SPATA21: variants seen among roughly 807,000 people sequenced by gnomAD.
The protein encoded by SPATA21 is spermatogenesis associated 21, also known as spermatogenesis-associated protein 21.
SPATA21 carries 47 observed loss-of-function variants against 54.8 expected under a neutral mutation model. The observed-to-expected ratio is 0.86, with a 90% CI of 0.68 to 1.09. The LOEUF (loss-of-function observed/expected upper bound fraction) is 1.09, where lower values mean the gene tolerates loss of function less well. Among genes scored for constraint, SPATA21 ranks in the 50% least tolerant of loss-of-function variants. The pLI is 0.00. For synonymous variants in SPATA21, 245 were observed against 235.3 expected (o/e 1.04, Z -0.38); for missense variants, 599 against 596.4 (o/e 1.00, Z -0.05).
rs536501946 is a variant in SPATA21, at chr1:16,409,148, C to G, written c.643G>C (p.Glu215Gln). Residue 215 changes from glutamate (E) to glutamine (Q), a missense_variant, in exon 7 of 13, where the codon GAG (glutamate) becomes CAG (glutamine). Coordinates refer to ENST00000335496, the MANE Select transcript of SPATA21 (RefSeq NM_198546.1). The surrounding 1 kb of genome is among the most constrained non-coding windows in gnomAD (Gnocchi z 4.1). ...QKLYQNREKS[E>Q]EQLTLKQEEA... ...TCTTGCTTCAGGGTCAGTTGCTCCTCGGACTTCTCCCGGTTTTGATAAAGC... is the reference window on the plus strand; with the variant it reads ...TCTTGCTTCAGGGTCAGTTGCTCCTGGGACTTCTCCCGGTTTTGATAAAGC... 1.5e-5 allele frequency: 25 copies of G among 1,614,108 alleles called. No homozygotes were observed. The South Asian group carries it at 2.6e-4, about 17-fold the overall frequency.
chr1:16,413,795 TAG>T (rs1192042455), intron 5 of SPATA21, among the ~76,000 whole-genome samples: 5 of 151,950 alleles, frequency 3.3e-5, no homozygotes, highest in Non-Finnish European at 7.4e-5. Context: ...GTATTTTTAG[TAG>T]AGAGAGGGTT....
In SPATA21 at chr1:16,412,985, T is replaced by C. The variant is rs1026747864; in HGVS notation, c.145-2942A>G. Among the ~76,000 whole-genome samples the C allele has an allele frequency of 3.9e-5, 6 of 152,252 alleles. No individual in the cohort carries two copies. The East Asian group carries it at 5.8e-4, about 15-fold the overall frequency. On this transcript the variant is annotated intron_variant, in intron 5 of 12. Coordinates refer to ENST00000335496, the MANE Select transcript of SPATA21 (RefSeq NM_198546.1). ...TTTTAGTAGAGACAAGGTTTCACCATGTTGGCCAGGATGGCCTGGATCTCC... is the reference window on the plus strand; with the variant it reads ...TTTTAGTAGAGACAAGGTTTCACCACGTTGGCCAGGATGGCCTGGATCTCC...
chr1:16,400,024 TC>T (rs1381035768), intron 11 of SPATA21, among the ~76,000 whole-genome samples: 1 of 151,696 alleles, frequency 6.6e-6, no homozygotes, highest in Non-Finnish European at 1.5e-5. Context: ...TTTATCAGTT[TC>T]ATTTTTGTTT....
intron 5 of SPATA21, among the ~76,000 whole-genome samples, chr1:16,418,925 C>G (rs1195760565): frequency 6.6e-6 from 1 of 152,200 alleles, no homozygotes; most frequent in African/African-American, 2.4e-5. Context: ...TCAACACATT[C>G]CTGTTGAGTA....
At chr1:16,426,579 A>ATATATATATATT (rs1401259793) in intron 3 of SPATA21, among the ~76,000 whole-genome samples, 285 of 107,098 alleles carry the variant, frequency 2.7e-3, no homozygotes, top group East Asian at 5.5e-3. Flanking sequence ...ATATATATAT[A>ATATATATATATT]TTTTTTTTTT....
chr1:16,429,450 T>A lies in SPATA21; in HGVS notation c.34+1888A>T, dbSNP rs1231646307. Among the ~76,000 whole-genome samples, 4 of 151,658 alleles carry A rather than the reference T, an allele frequency of 2.6e-5. No individual in the cohort carries two copies. In the East Asian group the frequency reaches 7.8e-4, roughly 29 times the overall value. On this transcript the variant is annotated intron_variant, in intron 3 of 12. Transcript: ENST00000335496. ...TGGCTGACTTTTTATTTTATTGTAT[T>A]GTATTTTATTTATTTGTTTGTTTGT...
At chr1:16,429,064 C>T (rs2086390952) in intron 3 of SPATA21, among the ~76,000 whole-genome samples, 1 of 152,190 alleles carries the variant, frequency 6.6e-6, no homozygotes, top group Admixed American at 6.5e-5. Context: ...CTCCTCCCCT[C>T]CAGGCCCTCT....
chr1:16,419,953 G>A (rs1043434899), intron 5 of SPATA21, among the ~76,000 whole-genome samples: 2 of 151,904 alleles, frequency 1.3e-5, no homozygotes, highest in Non-Finnish European at 2.9e-5. Flanking sequence ...AAAGAAAAAG[G>A]CAAAGTCTCG....
At position 16,421,234 on chromosome 1, in the gene SPATA21, G is replaced by A. The variant is rs769198752; in HGVS notation, c.144+275C>T. Among the ~76,000 whole-genome samples, 4 of 152,070 alleles carry A rather than the reference G, an allele frequency of 2.6e-5. No homozygotes were observed. Among genetic ancestry groups the A allele is most frequent in the Admixed American group, 1.3e-4 (2 of 15,268 alleles). ...AGAAATCCATGCTGATGTGGAACAA[G>A]CCACCACCTGGGATGAACCCAAGGG... On this transcript the variant is annotated intron_variant, in intron 5 of 12. Coordinates refer to ENST00000335496, the MANE Select transcript of SPATA21 (RefSeq NM_198546.1). The surrounding 1 kb of genome is among the most constrained non-coding windows in gnomAD (Gnocchi z 5.2).
At chr1:16,403,498 T>C (rs951951869) in intron 10 of SPATA21, among the ~76,000 whole-genome samples, 5 of 148,996 alleles carry the variant, frequency 3.4e-5, no homozygotes, top group African/African-American at 1.2e-4. Flanking sequence ...TTTTCTTTTT[T>C]TTTTTTTTGA....
rs192165402 is a variant in SPATA21 at position 16,402,496 on chromosome 1, T to C, written c.1001+1231A>G. 6.3e-3 allele frequency among the ~76,000 whole-genome samples: 954 copies of C among 151,502 alleles called. 8 individuals are homozygous for C. Among genetic ancestry groups the C allele is most frequent in the Non-Finnish European group, 8.4e-3 (570 of 67,840 alleles). Reference sequence around the variant, plus strand: ...CAGGATGCTCTCGATCTCCTGACCTTGTGATCCGCCCACCGCGGCCTCCCA... The same window carrying C: ...CAGGATGCTCTCGATCTCCTGACCTCGTGATCCGCCCACCGCGGCCTCCCA... On this transcript the variant is annotated intron_variant, in intron 10 of 12. Coordinates refer to ENST00000335496, the MANE Select transcript of SPATA21 (RefSeq NM_198546.1).
In SPATA21 at chr1:16,404,047, G is replaced by A. The variant is rs569588441; in HGVS notation, c.812-8C>T. On this transcript the variant is annotated splice_polypyrimidine_tract_variant and splice_region_variant and intron_variant, in intron 8 of 12. Coordinates refer to ENST00000335496, the MANE Select transcript of SPATA21 (RefSeq NM_198546.1). ...AGTCCACACGACCATCTCCTGTGGA[G>A]GCCAGAGGAGTAGGGTGGGCAGGGA... 8.2e-5 allele frequency: 128 copies of A among 1,552,446 alleles called. No homozygotes were observed. The East Asian group carries it at 2.4e-3, about 29-fold the overall frequency.
At chr1:16,395,838 G>A (rs74055656), downstream of SPATA21, 4,105 of 154,012 alleles carry the variant, frequency 0.027, 184 homozygotes, top group African/African-American at 0.091. Flanking sequence ...CTCTGCAGCC[G>A]CCAGGACAGA....
rs2085754404 is a variant in SPATA21, at chr1:16,409,324, G to A, written c.588-121C>T. On this transcript the variant is annotated intron_variant, in intron 6 of 12. Transcript: ENST00000335496. The surrounding 1 kb of genome is among the most constrained non-coding windows in gnomAD (Gnocchi z 4.1). ...TGGGGGAGGCTTTGGGGAGCCCGGA[G>A]AGATCAAGAATGGCAGGAAAAAGGA... 2.8e-6 allele frequency: 3 copies of A among 1,071,744 alleles called. No individual in the cohort carries two copies. Among genetic ancestry groups the A allele is most frequent in the South Asian group, 1.4e-5 (1 of 71,390 alleles). 66.4% of individuals were successfully genotyped at this position (1,071,744 alleles called of 1,614,324 possible).
At chr1:16,429,557 C>T (rs1181435279) in intron 3 of SPATA21, among the ~76,000 whole-genome samples, 1 of 152,110 alleles carries the variant, frequency 6.6e-6, no homozygotes, top group Non-Finnish European at 1.5e-5. Context: ...TCACCGCAAC[C>T]TCCACCTCCC....
chr1:16,418,712 T>A (rs1206559685), intron 5 of SPATA21, among the ~76,000 whole-genome samples: 1 of 152,020 alleles, frequency 6.6e-6, no homozygotes, highest in Admixed American at 6.6e-5. Flanking sequence ...GGACAACAGG[T>A]GCACGCCACC....
chr1:16,436,268 C>G (rs1338758151), intron 1 of SPATA21, among the ~76,000 whole-genome samples: 4 of 152,000 alleles, frequency 2.6e-5, no homozygotes, highest in Non-Finnish European at 5.9e-5. Context: ...TGCCTGTAAT[C>G]CCAGCTAGTC....
intron 2 of SPATA21, among the ~76,000 whole-genome samples, chr1:16,431,672 C>T (rs1277945340): frequency 6.6e-6 from 1 of 152,210 alleles, no homozygotes; most frequent in Non-Finnish European, 1.5e-5. Context: ...CAAGATCTAA[C>T]ACCTGCTAGG....
Position 16,400,894 on chromosome 1 carries a change from T to C in SPATA21, c.1002-2A>G. 1 of 1,611,652 alleles carries C rather than the reference T, an allele frequency of 6.2e-7. No individual in the cohort carries two copies. The highest frequency in any genetic ancestry group is 1.1e-5 in the South Asian group (1 of 90,954). ...TCCTTCAGCTTTTTCTGGTAGTAGCTGGGGAGGCAGTGCCCACCCATCTCA... is the reference window on the plus strand; with the variant it reads ...TCCTTCAGCTTTTTCTGGTAGTAGCCGGGGAGGCAGTGCCCACCCATCTCA... On this transcript the variant is annotated splice_acceptor_variant, in intron 10 of 12. Transcript: ENST00000335496. LOFTEE classifies it high-confidence loss of function.
Sources: gnomAD v4.1 joint callset for allele counts (sites outside exome capture counted in the v4.1 genomes callset) on GRCh38, gnomAD v4.1.1 for gene constraint, Gnocchi (gnomAD v3.1) non-coding constraint, MANE v1.5 for transcripts, NCBI Gene and HGNC (gene_info 2026-07-23, HGNC 2026-07-21) for gene names.